CYRIB: variants seen among roughly 807,000 people sequenced by gnomAD.
CYRIB encodes CYFIP related Rac1 interactor B, also known as CYFIP-related Rac1 interactor B.
A neutral mutation model predicts 44.2 loss-of-function variants in CYRIB; 8 were observed. The ratio of observed to expected loss-of-function variants is 0.18; its 90% confidence interval spans 0.11 to 0.33. The LOEUF is 0.33. Ranked by LOEUF, CYRIB falls within the 10% of genes least tolerant of loss-of-function variation. CYRIB has a pLI of 1.00. For missense variants in CYRIB, 185 were observed against 382.8 expected, an observed-to-expected ratio of 0.48 and a Z score of 4.31; for synonymous variants, 131 against 127.2, an observed-to-expected ratio of 1.03 and a Z score of -0.20.
At chr8:129,848,165 T>C (rs2041284533) in intron 10 of CYRIB, among the ~76,000 whole-genome samples, 1 of 152,208 alleles carries the variant, frequency 6.6e-6, no homozygotes, top group Non-Finnish European at 1.5e-5. Context: ...TAAAGGGAGA[T>C]GACACCTAAA....
chr8:129,988,411 GCCACGTGGA>G (rs998786826), intron 1 of CYRIB, among the ~76,000 whole-genome samples: 1 of 152,130 alleles, frequency 6.6e-6, no homozygotes, highest in African/African-American at 2.4e-5. Flanking sequence ...CTCTAATTCA[GCCACGTGGA>G]CCTGTGAATG....
chr8:129,985,330 A>C (rs891958533), intron 1 of CYRIB, among the ~76,000 whole-genome samples: 2 of 152,160 alleles, frequency 1.3e-5, no homozygotes, highest in Non-Finnish European at 2.9e-5. Flanking sequence ...GGTCTTTCTC[A>C]CGGCCTCTCC....
chr8:129,894,267 T>C (rs890736393), intron 2 of CYRIB, among the ~76,000 whole-genome samples: 1 of 152,234 alleles, frequency 6.6e-6, no homozygotes, highest in Non-Finnish European at 1.5e-5. Context: ...TCAATTCTGT[T>C]CCACAGGTAC....
intron 3 of CYRIB, among the ~76,000 whole-genome samples, chr8:129,874,374 G>A (rs1564458653): frequency 6.6e-6 from 1 of 151,954 alleles, no homozygotes; most frequent in Non-Finnish European, 1.5e-5. Context: ...TAGAAAAAGA[G>A]TCAATATAAC....
chr8:130,014,416 A>G (rs572818013), intron 1 of CYRIB, among the ~76,000 whole-genome samples: 49 of 152,324 alleles, frequency 3.2e-4, no homozygotes, highest in African/African-American at 1.1e-3. Flanking sequence ...AACCTCAGCA[A>G]TGCGTGAGAC....
At chr8:129,864,769 G>T in intron 4 of CYRIB, 2 of 400,534 alleles carry the variant, frequency 5.0e-6, no homozygotes, top group South Asian at 2.0e-5. Context: ...TTGCTAAGGA[G>T]TGAGCTGGAC....
intron 1 of CYRIB, among the ~76,000 whole-genome samples, chr8:130,001,589 C>T (rs144316600): frequency 0.055 from 7,573 of 137,984 alleles, 265 homozygotes; most frequent in Middle Eastern, 0.086. Flanking sequence ...GGTGCAATGG[C>T]GCAATCTTGG....
chr8:129,992,562 G>A (rs536697672), intron 1 of CYRIB, among the ~76,000 whole-genome samples: 46 of 152,256 alleles, frequency 3.0e-4, no homozygotes, highest in Admixed American at 1.2e-3. Context: ...GATGAAGGAC[G>A]CACAGACCTT....
chr8:129,886,999 C>A (rs1481442348), intron 2 of CYRIB, among the ~76,000 whole-genome samples: 1 of 152,098 alleles, frequency 6.6e-6, no homozygotes, highest in Admixed American at 6.5e-5. Flanking sequence ...AAAATAAAAT[C>A]CAAATTCTTT....
intron 1 of CYRIB, among the ~76,000 whole-genome samples, chr8:129,918,773 G>C (rs1300580504): frequency 2.0e-5 from 3 of 152,178 alleles, no homozygotes; most frequent in Non-Finnish European, 4.4e-5. Context: ...GAGTGAATAA[G>C]CAAACATCAT....
At chr8:129,942,096 T>G (rs1268653304), upstream of CYRIB, among the ~76,000 whole-genome samples, 1 of 152,086 alleles carries the variant, frequency 6.6e-6, no homozygotes, top group Non-Finnish European at 1.5e-5. Context: ...ATCCCAGCAC[T>G]TTGGGAGGCT....
intron 1 of CYRIB, among the ~76,000 whole-genome samples, chr8:130,005,845 A>G (rs1310109238): frequency 2.0e-5 from 3 of 152,054 alleles, no homozygotes; most frequent in Non-Finnish European, 2.9e-5. Context: ...AAGGCTGGAA[A>G]AGATGGGACT....
At chr8:129,927,205 T>C (rs1441811973) in intron 1 of CYRIB, among the ~76,000 whole-genome samples, 2 of 152,006 alleles carry the variant, frequency 1.3e-5, no homozygotes, top group Non-Finnish European at 2.9e-5. Flanking sequence ...GGCAGGAGAA[T>C]CGCTTGAACC....
chr8:129,942,600 G>A (rs1412809001), upstream of CYRIB, among the ~76,000 whole-genome samples: 4 of 152,060 alleles, frequency 2.6e-5, no homozygotes, highest in Admixed American at 6.5e-5. Flanking sequence ...TATTTTTGCC[G>A]AGGGCAAAGC....
rs534597943 is a variant in CYRIB at position 129,964,578 on chromosome 8, A to T, written c.-243+6365T>A. Among the ~76,000 whole-genome samples, 75 of 152,190 alleles carry T rather than the reference A, an allele frequency of 4.9e-4. 1 individual carries two copies. The highest frequency in any genetic ancestry group is 8.4e-4 in the Non-Finnish European group (57 of 67,990). On this transcript the variant is annotated intron_variant, in intron 2 of 14. Coordinates refer to the CYRIB transcript ENST00000401979. ...ACTTTGCACAACAAAGGTACCATCC[A>T]TTTTCTTGAAAATGGGATTATCGGG...
At chr8:129,870,697 T>C (rs2056817174) in intron 4 of CYRIB, among the ~76,000 whole-genome samples, 1 of 152,042 alleles carries the variant, frequency 6.6e-6, no homozygotes, top group East Asian at 1.9e-4. Flanking sequence ...GCACGGGCAA[T>C]GGCTTCAAGA....
intron 1 of CYRIB, among the ~76,000 whole-genome samples, chr8:129,977,361 G>C (rs1012391252): frequency 7.2e-5 from 11 of 152,116 alleles, no homozygotes; most frequent in African/African-American, 2.7e-4. Flanking sequence ...AGGCCATCCA[G>C]CTCCCAAAGT....
At chr8:129,947,064 A>ATT (rs201605982) in intron 2 of CYRIB, among the ~76,000 whole-genome samples, 9 of 137,146 alleles carry the variant, frequency 6.6e-5, no homozygotes, top group East Asian at 6.0e-4. Context: ...TTATTTATTT[A>ATT]TTTTTTTTTT....
chr8:129,992,358 A>T (rs1396061078), intron 1 of CYRIB, among the ~76,000 whole-genome samples: 1 of 152,244 alleles, frequency 6.6e-6, no homozygotes, highest in African/African-American at 2.4e-5. Context: ...CTGAAAATGA[A>T]TTGGAAGTGG....
Sources: allele counts gnomAD v4.1 joint callset (sites outside exome capture counted in the v4.1 genomes callset), GRCh38; gene constraint gnomAD v4.1.1; transcripts MANE v1.5; gene names NCBI Gene and HGNC (gene_info 2026-07-23, HGNC 2026-07-21).